Variants in STMND1 observed in about 807,000 individuals in gnomAD.
The protein encoded by STMND1 is stathmin domain-containing protein 1.
A neutral mutation model predicts 23.0 loss-of-function variants in STMND1; 17 were observed. The ratio of observed to expected loss-of-function variants is 0.74; its 90% CI spans 0.51 to 1.11. The LOEUF (loss-of-function observed/expected upper bound fraction) is 1.11, where lower values mean the gene tolerates loss of function less well. STMND1 is among the 50% of genes least tolerant of loss of function. STMND1 has a pLI of 0.00. For synonymous variants in STMND1, 114 were observed against 119.9 expected, an observed-to-expected ratio of 0.95 and a Z score of 0.32; for missense variants, 305 against 329.1, an observed-to-expected ratio of 0.93 and a Z score of 0.57.
chr6:17,119,949 T>C (rs1761209697), intron 2 of STMND1, among the ~76,000 whole-genome samples: 1 of 152,222 alleles, frequency 6.6e-6, no homozygotes. Context: ...TTGGATGATT[T>C]GTAATGGGGG....
chr6:17,110,428 C>T (rs532939582), intron 1 of STMND1: 1 of 165,756 alleles, frequency 6.0e-6, no homozygotes, highest in South Asian at 1.6e-4. Context: ...CCTTCAAAGA[C>T]TCGGCAGGAA....
At position 17,130,821 on chromosome 6, in the gene STMND1, A is replaced by C; in HGVS notation, c.771A>C (p.Glu257Asp). 1.3e-6 allele frequency: 2 copies of C among 1,535,948 alleles called. No homozygotes were observed. The highest frequency in any genetic ancestry group is 1.7e-4 in the Middle Eastern group (1 of 5,988). Reference sequence around the variant, plus strand: ...TGATTGATAGAAACGAAAGTGATGAAAGTTTTGGGGTCGTGGAGTCAGACA... The same window carrying C: ...TGATTGATAGAAACGAAAGTGATGACAGTTTTGGGGTCGTGGAGTCAGACA... The part of the protein sequence containing the change: ...ATLIDRNESD[E>D]SFGVVESDMS... The change falls in exon 5 of 5, where the codon GAA becomes GAC. Residue 257 changes from glutamate to aspartate, a missense_variant. By Grantham distance (45) the Glu-to-Asp change is conservative (BLOSUM62 2). Transcript: ENST00000536551.
chr6:17,114,084 C>A (rs1235397866), intron 1 of STMND1, among the ~76,000 whole-genome samples: 1 of 152,098 alleles, frequency 6.6e-6, no homozygotes, highest in Admixed American at 6.6e-5. Context: ...GATGACTCTA[C>A]AGCATTACAT....
intron 2 of STMND1, among the ~76,000 whole-genome samples, chr6:17,116,726 C>G (rs1040974824): frequency 2.0e-5 from 3 of 152,224 alleles, no homozygotes; most frequent in African/African-American, 7.2e-5. Flanking sequence ...AGGCATGAGT[C>G]ACTGCACCTG....
intron 1 of STMND1, among the ~76,000 whole-genome samples, chr6:17,102,629 G>A (rs1031492760): frequency 6.6e-6 from 1 of 152,152 alleles, no homozygotes; most frequent in African/African-American, 2.4e-5. Context: ...AAGAGATTAC[G>A]AAGGTGGTCA....
chr6:17,128,973 A>G, intron 3 of STMND1, 139 bp from the exon 4 acceptor site: 1 of 850,248 alleles, frequency 1.2e-6, no homozygotes, highest in South Asian at 1.9e-5. Flanking sequence ...TTGGCCTCCC[A>G]AAGTGCCGGG....
chr6:17,108,815 G>A (rs935612757), intron 1 of STMND1, among the ~76,000 whole-genome samples: 3 of 151,196 alleles, frequency 2.0e-5, no homozygotes, highest in Non-Finnish European at 4.4e-5. Flanking sequence ...TCCTGCCTCA[G>A]CTTCCTGAGT....
chr6:17,105,367 C>T (rs535518869), intron 1 of STMND1, among the ~76,000 whole-genome samples: 24 of 152,246 alleles, frequency 1.6e-4, no homozygotes, highest in East Asian at 7.7e-4. Context: ...AAATCCTGGC[C>T]GGGTGTGGTG....
intron 4 of STMND1, among the ~76,000 whole-genome samples, chr6:17,129,717 G>T (rs563348754): frequency 1.3e-5 from 2 of 151,946 alleles, no homozygotes; most frequent in Non-Finnish European, 1.5e-5. Flanking sequence ...GGTGGCGGGC[G>T]CCTGTAGTCC....
chr6:17,127,889 G>T (rs1484584258), intron 3 of STMND1: 1 of 152,136 alleles, frequency 6.6e-6, no homozygotes, highest in Non-Finnish European at 1.5e-5. Context: ...GTTAATTGAA[G>T]AAAGTTAATT....
chr6:17,130,655 A>G lies in STMND1; in HGVS notation c.605A>G (p.His202Arg), dbSNP rs1307188192. The G allele has an allele frequency of 1.3e-6, 2 of 1,535,790 alleles. No homozygotes were observed. Among genetic ancestry groups the G allele is most frequent in the Admixed American group, 2.0e-5 (1 of 50,952 alleles). The change falls in exon 5 of 5, where the codon CAC (histidine) becomes CGC (arginine). Residue 202 changes from histidine to arginine, a missense_variant. Physicochemically the swap from His to Arg is conservative, Grantham distance 29 (BLOSUM62 0). Transcript: ENST00000536551. ...RSDRLLPSAN[H>R]SDSAELDGAE... ...GACCGACTTTTGCCTTCAGCCAATCACTCAGATTCAGCTGAATTAGATGGG... is the reference window on the plus strand; with the variant it reads ...GACCGACTTTTGCCTTCAGCCAATCGCTCAGATTCAGCTGAATTAGATGGG...
intron 3 of STMND1, among the ~76,000 whole-genome samples, chr6:17,122,082 T>C (rs1761241075): frequency 6.6e-6 from 1 of 151,888 alleles, no homozygotes; most frequent in Non-Finnish European, 1.5e-5. Flanking sequence ...AGGATGGTGT[T>C]GAACTCCTGA....
rs1292400326 is a variant in STMND1, at chr6:17,130,598, A to G, written c.548A>G (p.Lys183Arg). 4.6e-6 allele frequency: 7 copies of G among 1,508,622 alleles called. No individual in the cohort carries two copies. The East Asian group carries it at 1.5e-4, about 32-fold the overall frequency. 93.5% of individuals were successfully genotyped at this position (1,508,622 alleles called of 1,614,324 possible). A position where few individuals can be genotyped will look rare whatever the true frequency, so the allele number is the denominator to read the frequency against. ...MEAAEERRKT[K>R]EEEIRKRLRS... Reference sequence around the variant, plus strand: ...TTCTTTAATACTGCATTTCAGACTAAAGAAGAAGAAATAAGAAAAAGGCTA... The same window carrying G: ...TTCTTTAATACTGCATTTCAGACTAGAGAAGAAGAAATAAGAAAAAGGCTA... The change falls in exon 5 of 5, where the codon AAA (lysine) becomes AGA (arginine). Residue 183 changes from lysine (K) to arginine (R), a missense_variant. Transcript: ENST00000536551.
intron 3 of STMND1, 151 bp from the exon 4 acceptor site, chr6:17,128,961 C>G (rs1360179288): frequency 2.9e-6 from 2 of 692,594 alleles, no homozygotes; most frequent in Non-Finnish European, 4.5e-6. Flanking sequence ...AGTCTTCCCA[C>G]CTTGGCCTCC....
intron 1 of STMND1, among the ~76,000 whole-genome samples, chr6:17,103,222 T>G (rs1760966982): frequency 6.6e-6 from 1 of 152,176 alleles, no homozygotes; most frequent in Admixed American, 6.5e-5. Flanking sequence ...TATTAATACA[T>G]TTTCCCAAAG....
chr6:17,126,060 ATATATATATATTTTTTTTTT>A lies in STMND1; in HGVS notation c.412-3050_412-3031del, dbSNP rs1291564587. ...TATATATATATATATATATATATATATATATATATATTTTTTTTTTTTTTTTTTTTTTTTTTTTAAAGAGA... is the reference window on the plus strand; with the variant it reads ...TATATATATATATATATATATATATATTTTTTTTTTTTTTTTTTAAAGAGA... On this transcript the variant is annotated intron_variant, in intron 3 of 4. Coordinates refer to ENST00000536551, the MANE Select transcript of STMND1 (RefSeq NM_001190766.2). 3.1e-3 allele frequency among the ~76,000 whole-genome samples: 73 copies of A among 23,890 alleles called. 1 individual carries two copies. The highest frequency in any genetic ancestry group is 5.4e-3 in the South Asian group (2 of 370). 15.7% of individuals were successfully genotyped at this position (23,890 alleles called of 152,430 possible).
At chr6:17,115,929 C>A (rs111536597) in intron 2 of STMND1, among the ~76,000 whole-genome samples, 48 of 152,274 alleles carry the variant, frequency 3.2e-4, no homozygotes, top group African/African-American at 1.1e-3. Flanking sequence ...TTTCTATTCG[C>A]CCTCCCCTTG....
At chr6:17,112,643 G>A (rs6920246) in intron 1 of STMND1, among the ~76,000 whole-genome samples, 47,180 of 151,872 alleles carry the variant, frequency 0.31, 7,479 homozygotes, top group Middle Eastern at 0.34. Flanking sequence ...CAGACGTGGT[G>A]GCAGGTGCCT....
Position 17,130,585 on chromosome 6 carries a change from G to A in STMND1, c.544-9G>A, listed in dbSNP as rs1224156406. 1 of 1,497,500 alleles carries A rather than the reference G, an allele frequency of 6.7e-7. No individual in the cohort carries two copies. Among genetic ancestry groups the A allele is most frequent in the Non-Finnish European group, 8.9e-7 (1 of 1,129,220 alleles). The allele number at this position is 1,497,500 out of a possible 1,614,324, so 92.8% of individuals were successfully genotyped here. ...ACGCTCTTTTTCATTCTTTAATACT[G>A]CATTTCAGACTAAAGAAGAAGAAAT... On this transcript the variant is annotated splice_polypyrimidine_tract_variant and intron_variant, in intron 4 of 4. Transcript: ENST00000536551.
Sources: gnomAD v4.1 joint callset for allele counts (sites outside exome capture counted in the v4.1 genomes callset) on GRCh38, gnomAD v4.1.1 for gene constraint, MANE v1.5 for transcripts, NCBI Gene and HGNC (gene_info 2026-07-23, HGNC 2026-07-21) for gene names.